Variants in MEGF6 observed in about 807,000 individuals in gnomAD.
The protein encoded by MEGF6 is multiple epidermal growth factor-like domains protein 6.
In MEGF6, 184 loss-of-function variants were observed where a neutral mutation model predicts 207.1. That is an observed-to-expected ratio of 0.89 (90% confidence interval 0.79 to 1.00). MEGF6 has a LOEUF of 1.00. MEGF6 is among the 50% of genes least tolerant of loss of function. The pLI is 0.00. For synonymous variants in MEGF6, 1,038 were observed against 910.0 expected (o/e 1.14, Z -2.53); for missense variants, 2,282 against 2,202.9 (o/e 1.04, Z -0.72).
chr1:3,570,359 C>T (rs1005986501), intron 4 of MEGF6, among the ~76,000 whole-genome samples: 15 of 152,120 alleles, frequency 9.9e-5, no homozygotes, highest in East Asian at 9.6e-4. Flanking sequence ...CTGGCTCCCA[C>T]GGGGAAGCGG....
intron 34 of MEGF6, 159 bp downstream of exon 34, chr1:3,493,612 C>G: frequency 9.9e-7 from 1 of 1,013,020 alleles, no homozygotes; most frequent in East Asian, 2.7e-5. Context: ...GTCCCAGCAG[C>G]TGACTCCAGC....
At chr1:3,494,547 GC>G (rs761002361) in intron 31 of MEGF6, 48 bp from the exon 32 acceptor site, 19 of 1,567,824 alleles carry the variant, frequency 1.2e-5, no homozygotes, top group Middle Eastern at 1.7e-4. Context: ...GCCTTGCCCA[GC>G]CCTATGGCAG....
the MEGF6 span, among the ~76,000 whole-genome samples, chr1:3,621,315 T>C: frequency 3.3e-5 from 5 of 152,238 alleles, no homozygotes; most frequent in Non-Finnish European, 5.9e-5. Flanking sequence ...CAGACGCTGG[T>C]GTTACCGCTA....
chr1:3,500,102 A>G (rs978588513), intron 21 of MEGF6, among the ~76,000 whole-genome samples, 178 bp from the exon 22 acceptor site: 3 of 152,162 alleles, frequency 2.0e-5, no homozygotes, highest in African/African-American at 7.2e-5. Flanking sequence ...AGGTGGGGCC[A>G]TGGGAGGCTT....
chr1:3,615,799 T>G (rs1003601376), upstream of MEGF6, among the ~76,000 whole-genome samples: 10 of 152,214 alleles, frequency 6.6e-5, no homozygotes, highest in East Asian at 1.9e-3. Flanking sequence ...CCCCTCTTTA[T>G]CCCACCTGGC....
the MEGF6 span, among the ~76,000 whole-genome samples, chr1:3,620,055 C>A: frequency 7.8e-6 from 1 of 128,332 alleles, no homozygotes; most frequent in Non-Finnish European, 1.9e-5. Context: ...AGACTAGGAG[C>A]ATTTTGTCCC....
At chr1:3,506,590 C>G (rs949984563) in intron 14 of MEGF6, among the ~76,000 whole-genome samples, 3 of 152,202 alleles carry the variant, frequency 2.0e-5, no homozygotes, top group Non-Finnish European at 4.4e-5. Flanking sequence ...AGCCTCAAAG[C>G]GGGAAGGACA....
chr1:3,600,511 G>A (rs554223542), intron 2 of MEGF6, among the ~76,000 whole-genome samples: 61 of 152,298 alleles, frequency 4.0e-4, no homozygotes, highest in Admixed American at 3.3e-3. Flanking sequence ...GCTGGAGGGC[G>A]GGGAACAGGG....
At chr1:3,605,467 T>G (rs1644231816) in intron 1 of MEGF6, among the ~76,000 whole-genome samples, 1 of 151,070 alleles carries the variant, frequency 6.6e-6, no homozygotes, top group African/African-American at 2.4e-5. Flanking sequence ...TATGCTTACC[T>G]ATACACACAT....
chr1:3,539,216 C>T (rs1196187611), intron 4 of MEGF6, among the ~76,000 whole-genome samples: 1 of 152,092 alleles, frequency 6.6e-6, no homozygotes, highest in Non-Finnish European at 1.5e-5. Context: ...AGTGTCACTA[C>T]AGACCCAAGG....
chr1:3,578,141 G>A (rs765926663), intron 4 of MEGF6, among the ~76,000 whole-genome samples: 3 of 152,126 alleles, frequency 2.0e-5, no homozygotes, highest in Non-Finnish European at 4.4e-5. Flanking sequence ...CACCCCGCAA[G>A]GCCACCTCCT....
At chr1:3,525,391 C>T (rs561671713) in intron 4 of MEGF6, among the ~76,000 whole-genome samples, 4 of 152,336 alleles carry the variant, frequency 2.6e-5, no homozygotes, top group Admixed American at 6.5e-5. Context: ...GGCCTCTCCC[C>T]GCATCTGCGC....
At chr1:3,610,209 C>G (rs1365813103) in intron 1 of MEGF6, among the ~76,000 whole-genome samples, 1 of 152,218 alleles carries the variant, frequency 6.6e-6, no homozygotes, top group African/African-American at 2.4e-5. Flanking sequence ...GAGCTTGGAC[C>G]CCCTCCTCTT....
the MEGF6 span, among the ~76,000 whole-genome samples, chr1:3,620,015 G>C: frequency 6.6e-6 from 1 of 152,128 alleles, no homozygotes; most frequent in African/African-American, 2.4e-5. Context: ...AACTTACTGG[G>C]AACTGGAGCA....
At chr1:3,522,265 C>T (rs1641781951) in intron 5 of MEGF6, among the ~76,000 whole-genome samples, 1 of 152,160 alleles carries the variant, frequency 6.6e-6, no homozygotes, top group Non-Finnish European at 1.5e-5. Flanking sequence ...GAGAGTCTCA[C>T]CTGGGCCCTC....
Position 3,611,467 on chromosome 1 carries a change from G to C in MEGF6, c.-199C>G. 1 of 663,396 alleles carries C rather than the reference G, an allele frequency of 1.5e-6. No individual in the cohort carries two copies. The highest frequency in any genetic ancestry group is 4.1e-4 in the Middle Eastern group (1 of 2,462). 41.1% of individuals were successfully genotyped at this position (663,396 alleles called of 1,614,324 possible). Reference sequence around the variant, plus strand: ...TGGCACCGCGGAGACCTGATCGCCGGGTCCACCCTGCAGGAACTCGCCCCG... The same window carrying C: ...TGGCACCGCGGAGACCTGATCGCCGCGTCCACCCTGCAGGAACTCGCCCCG... On this transcript the variant is annotated 5_prime_UTR_variant, in exon 1 of 37. Transcript: ENST00000356575.
chr1:3,614,213 C>G (rs974636463), upstream of MEGF6, among the ~76,000 whole-genome samples: 2 of 152,188 alleles, frequency 1.3e-5, no homozygotes, highest in Admixed American at 1.3e-4. Context: ...TGGGGCTGTC[C>G]GTGCCCCTAT....
chr1:3,498,023 C>T lies in MEGF6; in HGVS notation c.3352+348G>A, dbSNP rs531972417. On this transcript the variant is annotated intron_variant, in intron 26 of 36. Transcript: ENST00000356575. The stretch of plus-strand genomic sequence containing the variant: ...CAGACTCCCACTGGCAGGAGGCCCC[C>T]AGCCAGCACAGGCTCCAGGACAAGG... Among the ~76,000 whole-genome samples, 318 of 152,264 alleles carry T rather than the reference C, an allele frequency of 2.1e-3. 2 individuals carry two copies. The highest frequency in any genetic ancestry group is 7.3e-3 in the African/African-American group (303 of 41,550).
chr1:3,545,935 G>T (rs1341999415), intron 4 of MEGF6, among the ~76,000 whole-genome samples: 2 of 152,198 alleles, frequency 1.3e-5, no homozygotes, highest in Non-Finnish European at 2.9e-5. Context: ...AGTCCAGCAG[G>T]CTGGCCCCTG....
Sources: gnomAD v4.1 joint callset for allele counts (sites outside exome capture counted in the v4.1 genomes callset) on GRCh38, gnomAD v4.1.1 for gene constraint, MANE v1.5 for transcripts, NCBI Gene and HGNC (gene_info 2026-07-23, HGNC 2026-07-21) for gene names.